MIEF1: variants seen among roughly 807,000 people sequenced by gnomAD.
The protein encoded by MIEF1 is mitochondrial elongation factor 1.
MIEF1 carries 14 observed loss-of-function variants against 35.1 expected under a neutral mutation model. That is an observed-to-expected ratio of 0.40 (90% confidence interval 0.26 to 0.62). The LOEUF is 0.62. Ranked by LOEUF, MIEF1 falls within the 20% of genes least tolerant of loss-of-function variation. The probability of loss-of-function intolerance (pLI) is 0.43; values close to 1 mark genes in which losing one functional copy is unlikely to be tolerated. For synonymous variants in MIEF1, 245 were observed against 254.3 expected (o/e 0.96, Z 0.35); for missense variants, 542 against 615.4 (o/e 0.88, Z 1.26).
In MIEF1 at chr22:39,515,359, G is replaced by A; in HGVS notation, c.*1036G>A. ...GTGGCCATGTTTTCTACCCAGACAG[G>A]CCCTGCTTTTCTAGGATGTGGCCTT... On this transcript the variant is annotated 3_prime_UTR_variant, in exon 6 of 6. Coordinates refer to ENST00000325301, the MANE Select transcript of MIEF1 (RefSeq NM_019008.6). 1.4e-6 allele frequency: 1 copy of A among 717,430 alleles called. No individual in the cohort carries two copies. The highest frequency in any genetic ancestry group is 1.5e-5 in the South Asian group (1 of 67,576). 44.4% of individuals were successfully genotyped at this position (717,430 alleles called of 1,614,324 possible).
chr22:39,514,467 A>T lies in MIEF1; in HGVS notation c.*144A>T. The T allele has an allele frequency of 1.4e-6, 1 of 736,754 alleles. No individual in the cohort carries two copies. Among genetic ancestry groups the T allele is most frequent in the East Asian group, 2.7e-5 (1 of 37,484 alleles). 45.6% of individuals were successfully genotyped at this position (736,754 alleles called of 1,614,324 possible). A position where few individuals can be genotyped will look rare whatever the true frequency, so the allele number is the denominator to read the frequency against. ...ACCCTGGTCACTTCATGCTGATTAG[A>T]ATGACATCTCTTTCGTCTCCTATTT... On this transcript the variant is annotated 3_prime_UTR_variant, in exon 6 of 6. Coordinates refer to ENST00000325301, the MANE Select transcript of MIEF1 (RefSeq NM_019008.6).
Position 39,517,483 on chromosome 22 carries a change from A to T in MIEF1, c.*3160A>T, listed in dbSNP as rs1344429977. On this transcript the variant is annotated 3_prime_UTR_variant, in exon 6 of 6. Transcript: ENST00000325301. ...TGACTGTGCTCCCTGCACTCCACTCAAGTTGAGAGTTCAAATAGTCTTGAA... is the reference window on the plus strand; with the variant it reads ...TGACTGTGCTCCCTGCACTCCACTCTAGTTGAGAGTTCAAATAGTCTTGAA... The T allele has an allele frequency of 2.1e-6, 1 of 469,928 alleles. No individual in the cohort carries two copies. The highest frequency in any genetic ancestry group is 2.0e-5 in the African/African-American group (1 of 50,016). The allele number at this position is 469,928 out of a possible 1,614,324, so 29.1% of individuals were successfully genotyped here.
chr22:39,512,558 A>G (rs1456515211), intron 5 of MIEF1, 64 bp downstream of exon 5: 1 of 1,539,136 alleles, frequency 6.5e-7, no homozygotes, highest in East Asian at 2.3e-5. Flanking sequence ...TTGTTGGCAC[A>G]GATCAGTGTC....
Position 39,515,113 on chromosome 22 carries a change from T to C in MIEF1, c.*790T>C, listed in dbSNP as rs1930589231. 1.6e-6 allele frequency: 1 copy of C among 621,282 alleles called. No homozygotes were observed. Among genetic ancestry groups the C allele is most frequent in the Non-Finnish European group, 2.9e-6 (1 of 340,836 alleles). The allele number at this position is 621,282 out of a possible 1,614,324, so 38.5% of individuals were successfully genotyped here. On this transcript the variant is annotated 3_prime_UTR_variant, in exon 6 of 6. Transcript: ENST00000325301. ...CCTAGTGAAGGGTTTGTGTGCCCAG[T>C]GTCTGCTCGTCATCTGTGGCTGCAG...
chr22:39,503,930 G>A (rs933687639), intron 1 of MIEF1: 1 of 283,676 alleles, frequency 3.5e-6, no homozygotes, highest in Non-Finnish European at 6.5e-6. Flanking sequence ...TGAGGAAGCT[G>A]GTGCTCAGCG....
Position 39,504,229 on chromosome 22 carries a change from C to A in MIEF1, c.-313C>A. On this transcript the variant is annotated 5_prime_UTR_variant, in exon 2 of 6. Coordinates refer to ENST00000325301, the MANE Select transcript of MIEF1 (RefSeq NM_019008.6). ...GTGACACCCAGCCCCTGCCAGTCCC[C>A]CATGGCCCCGTGGAGCCGAGAGGCG... The A allele has an allele frequency of 2.5e-6, 1 of 399,486 alleles. No individual in the cohort carries two copies. Among genetic ancestry groups the A allele is most frequent in the Non-Finnish European group, 4.4e-6 (1 of 226,400 alleles). The allele number at this position is 399,486 out of a possible 1,614,324, so 24.7% of individuals were successfully genotyped here.
At position 39,504,292 on chromosome 22, in the gene MIEF1, G is replaced by A. The variant is rs955353318; in HGVS notation, c.-250G>A. 1.0e-5 allele frequency: 4 copies of A among 399,064 alleles called. No individual in the cohort carries two copies. Among genetic ancestry groups the A allele is most frequent in the South Asian group, 1.3e-4 (1 of 7,858 alleles). 24.7% of individuals were successfully genotyped at this position (399,064 alleles called of 1,614,324 possible). ...TATCGGGCTCTGTTGCGCCAGGGCC[G>A]ACAGCTTCGCTACACTGATCGAGAC... On this transcript the variant is annotated 5_prime_UTR_variant, in exon 2 of 6. Coordinates refer to ENST00000325301, the MANE Select transcript of MIEF1 (RefSeq NM_019008.6).
intron 4 of MIEF1, 68 bp downstream of exon 4, chr22:39,512,094 T>C: frequency 1.3e-6 from 2 of 1,568,124 alleles, no homozygotes; most frequent in Non-Finnish European, 1.7e-6. Context: ...ACTCAGCAGA[T>C]GTTTCCTGAG....
intron 5 of MIEF1, 151 bp downstream of exon 5, chr22:39,512,645 T>A: frequency 9.0e-7 from 1 of 1,106,682 alleles, no homozygotes; most frequent in South Asian, 1.7e-5. Flanking sequence ...GATCCATGCT[T>A]GTTATTCTTT....
intron 5 of MIEF1, 89 bp from the exon 6 acceptor site, chr22:39,513,428 G>T: frequency 7.5e-7 from 1 of 1,327,312 alleles, no homozygotes; most frequent in Non-Finnish European, 1.0e-6. Context: ...TTGCTGGGGG[G>T]GAATGTAAGA....
At chr22:39,511,543 G>T (rs1399499887) in intron 3 of MIEF1, 105 bp downstream of exon 3, 1 of 1,414,090 alleles carries the variant, frequency 7.1e-7, no homozygotes, top group Non-Finnish European at 9.3e-7. Flanking sequence ...GGAAATGATC[G>T]CAATGATAAG....
In MIEF1 at chr22:39,515,375, A is replaced by T. The variant is rs758554305; in HGVS notation, c.*1052A>T. On this transcript the variant is annotated 3_prime_UTR_variant, in exon 6 of 6. Transcript: ENST00000325301. ...CCCAGACAGGCCCTGCTTTTCTAGG[A>T]TGTGGCCTTAGAGCAAGAACAGACC... is the stretch of plus-strand genomic sequence containing the variant. The T allele has an allele frequency of 9.8e-6, 7 of 716,090 alleles. No homozygotes were observed. In the East Asian group the frequency reaches 1.1e-4, roughly 11 times the overall value. The allele number at this position is 716,090 out of a possible 1,614,324, so 44.4% of individuals were successfully genotyped here. A position where few individuals can be genotyped will look rare whatever the true frequency, so the allele number is the denominator to read the frequency against.
At chr22:39,508,562 C>T (rs980350364) in intron 2 of MIEF1, among the ~76,000 whole-genome samples, 1 of 152,200 alleles carries the variant, frequency 6.6e-6, no homozygotes, top group East Asian at 1.9e-4. Context: ...TATCTTGCCT[C>T]TGCTAAGTTT....
Position 39,517,349 on chromosome 22 carries a change from T to C in MIEF1, c.*3026T>C. On this transcript the variant is annotated 3_prime_UTR_variant, in exon 6 of 6. Transcript: ENST00000325301. Reference sequence around the variant, plus strand: ...GTATTTTTCTTTACATGCTTGGTTATGACTTTTAAAGTTTTATTTAAATAA... The same window carrying C: ...GTATTTTTCTTTACATGCTTGGTTACGACTTTTAAAGTTTTATTTAAATAA... 3.8e-6 allele frequency: 1 copy of C among 261,884 alleles called. No individual in the cohort carries two copies. Among genetic ancestry groups the C allele is most frequent in the Non-Finnish European group, 7.9e-6 (1 of 127,266 alleles). The allele number at this position is 261,884 out of a possible 1,614,324, so 16.2% of individuals were successfully genotyped here. A position where few individuals can be genotyped will look rare whatever the true frequency, so the allele number is the denominator to read the frequency against.
chr22:39,506,146 C>T (rs1930002824), intron 2 of MIEF1, among the ~76,000 whole-genome samples: 1 of 152,140 alleles, frequency 6.6e-6, no homozygotes, highest in African/African-American at 2.4e-5. Flanking sequence ...AGTTGGGCTA[C>T]ACGCTGCTAT....
At chr22:39,508,048 T>G (rs757712066) in intron 2 of MIEF1, among the ~76,000 whole-genome samples, 2 of 152,160 alleles carry the variant, frequency 1.3e-5, no homozygotes, top group African/African-American at 2.4e-5. Flanking sequence ...AGAGGAGAAC[T>G]CATTTGTGGA....
rs1294626601 is a variant in MIEF1 at position 39,513,836 on chromosome 22, A to G, written c.905A>G (p.Tyr302Cys). ...GAAGCCCTCACACTGGAGGTGCAGT[A>G]TGAGCGTGACAAACATCTCTTCATT... Reference protein sequence around the residue: ...PPEALTLEVQYERDKHLFIDF... With the variant: ...PPEALTLEVQCERDKHLFIDF... The change falls in exon 6 of 6, where the codon TAT becomes TGT. Residue 302 changes from tyrosine to cysteine, a missense_variant. By Grantham distance (194) the Tyr-to-Cys change is radical. Coordinates refer to ENST00000325301, the MANE Select transcript of MIEF1 (RefSeq NM_019008.6). 2 of 1,613,978 alleles carry G rather than the reference A, an allele frequency of 1.2e-6. No homozygotes were observed. The highest frequency in any genetic ancestry group is 4.5e-5 in the East Asian group (2 of 44,890).
At chr22:39,502,035 C>G (rs897791717), upstream of MIEF1, 1 of 152,384 alleles carries the variant, frequency 6.6e-6, no homozygotes, top group Non-Finnish European at 1.5e-5. Flanking sequence ...GGGGCCTACC[C>G]GGTGCGGCAG....
intron 2 of MIEF1, among the ~76,000 whole-genome samples, chr22:39,508,657 A>C (rs1353116220): frequency 1.3e-5 from 2 of 152,098 alleles, no homozygotes; most frequent in East Asian, 1.9e-4. Context: ...TACAAACGTT[A>C]TCTCTTCTCC....
Sources: allele counts gnomAD v4.1 joint callset (sites outside exome capture counted in the v4.1 genomes callset), GRCh38; gene constraint gnomAD v4.1.1; transcripts MANE v1.5; gene names NCBI Gene and HGNC (gene_info 2026-07-23, HGNC 2026-07-21).